Variants in CEP128 observed in about 807,000 individuals in gnomAD.
The protein encoded by CEP128 is centrosomal protein 128.
A neutral mutation model predicts 156.7 loss-of-function variants in CEP128; 132 were observed. The observed-to-expected ratio is 0.84, with a 90% confidence interval of 0.73 to 0.97. The LOEUF (loss-of-function observed/expected upper bound fraction) is 0.97. Ranked by LOEUF, CEP128 falls within the 50% of genes least tolerant of loss-of-function variation. The pLI is 0.00. For synonymous variants in CEP128, 469 were observed against 448.9 expected (o/e 1.04, Z -0.57); for missense variants, 1,252 against 1,281.9 (o/e 0.98, Z 0.36).
rs530778679 is a variant in CEP128, at chr14:80,902,824, A to G, written c.480+1989T>C. Among the ~76,000 whole-genome samples, 5 of 152,326 alleles carry G rather than the reference A, an allele frequency of 3.3e-5. No individual in the cohort carries two copies. In the East Asian group the frequency reaches 7.7e-4, roughly 23 times the overall value. ...TTCATACTAAACCAAACTTAGTAAA[A>G]TAGAAAGTAGCAGACTTAGCAGGGC... On this transcript the variant is annotated intron_variant, in intron 6 of 24. Coordinates refer to ENST00000555265, the MANE Select transcript of CEP128 (RefSeq NM_152446.5).
At chr14:80,757,376 CT>C (rs1281496980) in intron 17 of CEP128, among the ~76,000 whole-genome samples, 1 of 152,134 alleles carries the variant, frequency 6.6e-6, no homozygotes, top group Non-Finnish European at 1.5e-5. Context: ...ATTTATCCTT[CT>C]TTAATTTAAT....
intron 2 of CEP128, 133 bp from the exon 3 acceptor site, chr14:80,916,695 A>G (rs970124884): frequency 4.7e-6 from 3 of 642,340 alleles, no homozygotes; most frequent in African/African-American, 1.8e-5. Flanking sequence ...TAATTTCTAC[A>G]TACATAGCTT....
intron 19 of CEP128, among the ~76,000 whole-genome samples, chr14:80,608,700 G>T (rs1892881465): frequency 6.6e-6 from 1 of 152,100 alleles, no homozygotes; most frequent in Non-Finnish European, 1.5e-5. Context: ...TGCCTGGAAT[G>T]CCCTGCCTAC....
chr14:80,614,979 AT>A (rs1331734421), intron 19 of CEP128, among the ~76,000 whole-genome samples: 1 of 152,216 alleles, frequency 6.6e-6, no homozygotes, highest in African/African-American at 2.4e-5. Flanking sequence ...CTGTGCAACT[AT>A]TCCCAGAAAG....
chr14:80,513,054 C>A (rs1284042374), intron 23 of CEP128, among the ~76,000 whole-genome samples: 1 of 151,920 alleles, frequency 6.6e-6, no homozygotes, highest in African/African-American at 2.4e-5. Flanking sequence ...GTGTACTTAC[C>A]ATTACCAGTG....
chr14:80,881,504 A>ATAGT (rs1555359383), intron 8 of CEP128, among the ~76,000 whole-genome samples: 12 of 151,640 alleles, frequency 7.9e-5, no homozygotes, highest in African/African-American at 2.7e-4. Context: ...TAAAGAACTA[A>ATAGT]TACTTACCCT....
intron 8 of CEP128, chr14:80,894,779 C>T (rs1883766434): frequency 3.3e-6 from 1 of 303,446 alleles, no homozygotes; most frequent in Non-Finnish European, 6.4e-6. Context: ...TTTTCAAATA[C>T]CCTATTTTCA....
chr14:80,622,211 T>G (rs975324496), intron 19 of CEP128, among the ~76,000 whole-genome samples: 2 of 152,096 alleles, frequency 1.3e-5, no homozygotes, highest in Non-Finnish European at 2.9e-5. Flanking sequence ...GTTTTCTAAG[T>G]TTTTTACTTT....
At chr14:80,790,216 G>GAAACA (rs991852188) in intron 14 of CEP128, among the ~76,000 whole-genome samples, 10 of 150,688 alleles carry the variant, frequency 6.6e-5, no homozygotes, top group African/African-American at 9.7e-5. Context: ...TTCAGCAGGG[G>GAAACA]AAACAAAACA....
intron 19 of CEP128, among the ~76,000 whole-genome samples, chr14:80,664,666 A>G (rs1895539951): frequency 6.6e-6 from 1 of 152,186 alleles, no homozygotes; most frequent in Non-Finnish European, 1.5e-5. Context: ...AAAGGATTCA[A>G]TCAAAGCTAG....
chr14:80,667,581 G>A (rs956515522), intron 19 of CEP128, among the ~76,000 whole-genome samples: 9 of 152,072 alleles, frequency 5.9e-5, no homozygotes, highest in Non-Finnish European at 1.2e-4. Flanking sequence ...CCTCGAGGCC[G>A]GGTGCGGTGG....
intron 19 of CEP128, among the ~76,000 whole-genome samples, chr14:80,663,272 T>C (rs1895473619): frequency 6.6e-6 from 1 of 152,154 alleles, no homozygotes; most frequent in African/African-American, 2.4e-5. Flanking sequence ...ACAAATATTT[T>C]ATTGGTTAAA....
At chr14:80,653,224 A>G (rs1370537950) in intron 19 of CEP128, among the ~76,000 whole-genome samples, 1 of 152,076 alleles carries the variant, frequency 6.6e-6, no homozygotes, top group African/African-American at 2.4e-5. Flanking sequence ...TAGGAGAAAT[A>G]CCTAATGTAG....
intron 19 of CEP128, among the ~76,000 whole-genome samples, chr14:80,701,038 G>A (rs1362803118): frequency 2.6e-5 from 4 of 152,146 alleles, no homozygotes; most frequent in Admixed American, 2.6e-4. Context: ...TCTGCGTGGA[G>A]AGGAAGAAGC....
At chr14:80,874,368 G>A (rs970957816) in intron 8 of CEP128, among the ~76,000 whole-genome samples, 6 of 151,870 alleles carry the variant, frequency 4.0e-5, no homozygotes, top group African/African-American at 7.3e-5. Flanking sequence ...GGAGGCTGAC[G>A]CAGGAGAATC....
chr14:80,554,697 C>CT (rs933992602), intron 21 of CEP128, among the ~76,000 whole-genome samples: 1 of 151,870 alleles, frequency 6.6e-6, no homozygotes, highest in Non-Finnish European at 1.5e-5. Context: ...TAGCTATATC[C>CT]TTTTTTTCAA....
intron 20 of CEP128, among the ~76,000 whole-genome samples, chr14:80,566,903 GA>G (rs11321503): frequency 0.53 from 76,709 of 144,764 alleles, 19,957 homozygotes; most frequent in East Asian, 0.72. Flanking sequence ...AGTTGTCAAG[GA>G]AAAAAAAAAA....
intron 19 of CEP128, among the ~76,000 whole-genome samples, chr14:80,656,318 T>G (rs1183209685): frequency 6.5e-5 from 1 of 15,380 alleles, no homozygotes; most frequent in Non-Finnish European, 1.3e-4. Context: ...TATATATATA[T>G]ATATATATAT....
chr14:80,902,917 T>C (rs1271784200), intron 6 of CEP128, among the ~76,000 whole-genome samples: 1 of 152,192 alleles, frequency 6.6e-6, no homozygotes, highest in African/African-American at 2.4e-5. Flanking sequence ...TTAAATGTTC[T>C]GCAATATATA....
Sources: gnomAD v4.1 joint callset for allele counts (sites outside exome capture counted in the v4.1 genomes callset) on GRCh38, gnomAD v4.1.1 for gene constraint, MANE v1.5 for transcripts, NCBI Gene and HGNC (gene_info 2026-07-23, HGNC 2026-07-21) for gene names.